The following CNTNAP2 variants were observed in gnomAD, a reference collection of about 807,000 sequenced individuals.
CNTNAP2 encodes the protein contactin-associated protein-like 2.
A neutral mutation model predicts 155.2 loss-of-function variants in CNTNAP2; 98 were observed. That is an observed-to-expected ratio of 0.63 (90% CI 0.54 to 0.75). The LOEUF is 0.75. Ranked by LOEUF, CNTNAP2 falls within the 30% of genes least tolerant of loss-of-function variation. The probability of loss-of-function intolerance (pLI) is 0.00; values close to 1 mark genes in which losing one functional copy is unlikely to be tolerated. For missense variants in CNTNAP2, 1,727 were observed against 1,688.1 expected (o/e 1.02, Z -0.40); for synonymous variants, 651 against 631.2 (o/e 1.03, Z -0.47).
At chr7:148,168,247 A>G (rs1314285339) in intron 17 of CNTNAP2, among the ~76,000 whole-genome samples, 3 of 151,936 alleles carry the variant, frequency 2.0e-5, no homozygotes, top group African/African-American at 7.3e-5. Flanking sequence ...ATGCTGCTAT[A>G]AAGACACATG....
chr7:148,134,539 TA>T (rs1251525254), intron 16 of CNTNAP2, among the ~76,000 whole-genome samples: 4 of 152,138 alleles, frequency 2.6e-5, no homozygotes, highest in Non-Finnish European at 5.9e-5. Context: ...CTCTGTTTTT[TA>T]AAAAAATCTT....
intron 12 of CNTNAP2, among the ~76,000 whole-genome samples, chr7:147,626,116 T>G (rs10276658): frequency 6.6e-6 from 1 of 151,858 alleles, no homozygotes; most frequent in Admixed American, 6.6e-5. Flanking sequence ...AAGGAAACTC[T>G]GAACTGAAAT....
In CNTNAP2 at chr7:147,322,579, G is replaced by A. The variant is rs977787695; in HGVS notation, c.1498+22289G>A. ...TGCCCGGCTTTGGTATCAGAATGAT[G>A]CTGGCCTCATAAAATGAGTTAGGGA... is the stretch of plus-strand genomic sequence containing the variant. On this transcript the variant is annotated intron_variant, in intron 9 of 23. Coordinates refer to ENST00000361727, the MANE Select transcript of CNTNAP2 (RefSeq NM_014141.6). 2.6e-4 allele frequency among the ~76,000 whole-genome samples: 39 copies of A among 150,088 alleles called. No homozygotes were observed. The Middle Eastern group carries it at 0.01, about 39-fold the overall frequency.
chr7:148,198,792 A>G (rs965019296), intron 18 of CNTNAP2, among the ~76,000 whole-genome samples: 79 of 152,360 alleles, frequency 5.2e-4, no homozygotes, highest in African/African-American at 1.8e-3. Flanking sequence ...CAACTGAGAG[A>G]AAACATATTT....
intron 1 of CNTNAP2, among the ~76,000 whole-genome samples, chr7:146,421,136 G>C (rs2129113774): frequency 6.6e-6 from 1 of 152,074 alleles, no homozygotes; most frequent in South Asian, 2.1e-4. Context: ...TAGAAATACT[G>C]TAAGATTTGT....
At chr7:148,263,513 C>T (rs991351873) in intron 20 of CNTNAP2, among the ~76,000 whole-genome samples, 3 of 151,992 alleles carry the variant, frequency 2.0e-5, no homozygotes, top group East Asian at 1.9e-4. Flanking sequence ...CCGAGGTGGG[C>T]GGAACACAAG....
intron 8 of CNTNAP2, among the ~76,000 whole-genome samples, chr7:147,197,918 AC>A (rs1332763909): frequency 6.6e-6 from 1 of 152,184 alleles, no homozygotes; most frequent in Non-Finnish European, 1.5e-5. Flanking sequence ...ATATTTGAAG[AC>A]TTTTGCAGAA....
At chr7:146,929,376 G>A (rs1796693618) in intron 3 of CNTNAP2, among the ~76,000 whole-genome samples, 1 of 152,184 alleles carries the variant, frequency 6.6e-6, no homozygotes, top group Non-Finnish European at 1.5e-5. Context: ...GCAGCTGAGG[G>A]TCCTGTCTGT....
intron 1 of CNTNAP2, among the ~76,000 whole-genome samples, chr7:146,162,108 G>A (rs1798232685): frequency 6.6e-6 from 1 of 152,046 alleles, no homozygotes; most frequent in Non-Finnish European, 1.5e-5. Context: ...ATGGGCAAGG[G>A]CTTCATGACT....
At chr7:146,185,171 A>G (rs576105480) in intron 1 of CNTNAP2, among the ~76,000 whole-genome samples, 1 of 152,294 alleles carries the variant, frequency 6.6e-6, no homozygotes, top group Non-Finnish European at 1.5e-5. Flanking sequence ...ACACATTTGT[A>G]TTAAAATATG....
chr7:146,892,938 T>C (rs1252519241), intron 3 of CNTNAP2, among the ~76,000 whole-genome samples: 1 of 152,180 alleles, frequency 6.6e-6, no homozygotes, highest in Non-Finnish European at 1.5e-5. Context: ...TAAATCTCTA[T>C]ATGCAGAGAC....
At chr7:148,405,603 ATTTTTTTTTTTTTTTTTTTTTT>A (rs535094195) in intron 22 of CNTNAP2, among the ~76,000 whole-genome samples, 1 of 36,794 alleles carries the variant, frequency 2.7e-5, no homozygotes, top group African/African-American at 1.3e-4. Flanking sequence ...TGCACAGCTA[ATTTTTTTTTTTTTTTTTTTTTT>A]TTTTTTTTTT....
At chr7:146,465,811 T>TTTTA (rs1172837389) in intron 1 of CNTNAP2, among the ~76,000 whole-genome samples, 2 of 152,200 alleles carry the variant, frequency 1.3e-5, no homozygotes, top group Admixed American at 6.5e-5. Context: ...GTTGTTGTTT[T>TTTTA]TTTATATGAT....
Position 147,536,799 on chromosome 7 carries a change from C to T in CNTNAP2, c.1778-25339C>T, listed in dbSNP as rs181473836. On this transcript the variant is annotated intron_variant, in intron 11 of 23. Coordinates refer to ENST00000361727, the MANE Select transcript of CNTNAP2 (RefSeq NM_014141.6). ...TGCAATCACTTTCTTTTTCAAGACC[C>T]GCAACTGCTCATACTGCCTGATGCT... Among the ~76,000 whole-genome samples the T allele has an allele frequency of 8.1e-4, 124 of 152,182 alleles. 1 individual carries two copies. Among genetic ancestry groups the T allele is most frequent in the Admixed American group, 7.3e-3 (112 of 15,270 alleles).
intron 9 of CNTNAP2, among the ~76,000 whole-genome samples, chr7:147,368,735 T>A (rs1469353492): frequency 6.6e-6 from 1 of 152,212 alleles, no homozygotes; most frequent in Non-Finnish European, 1.5e-5. Flanking sequence ...ATCTCGCAGT[T>A]GCTTTTGCCA....
intron 3 of CNTNAP2, among the ~76,000 whole-genome samples, chr7:147,028,156 A>T (rs770913527): frequency 2.6e-5 from 4 of 152,216 alleles, no homozygotes; most frequent in Non-Finnish European, 4.4e-5. Context: ...AGAAGGCATT[A>T]CAAGAATACC....
At chr7:147,338,084 A>T (rs899557852) in intron 9 of CNTNAP2, among the ~76,000 whole-genome samples, 13 of 152,162 alleles carry the variant, frequency 8.5e-5, no homozygotes, top group African/African-American at 3.1e-4. Flanking sequence ...TGGGTAATTT[A>T]TAAAGAAAAG....
At chr7:147,546,993 T>G (rs891062685) in intron 11 of CNTNAP2, among the ~76,000 whole-genome samples, 3 of 152,126 alleles carry the variant, frequency 2.0e-5, no homozygotes, top group African/African-American at 7.2e-5. Flanking sequence ...TATCTGTGAT[T>G]AGCTAATCAA....
At chr7:146,811,322 T>C (rs548351107) in intron 2 of CNTNAP2, among the ~76,000 whole-genome samples, 1 of 152,200 alleles carries the variant, frequency 6.6e-6, no homozygotes, top group African/African-American at 2.4e-5. Flanking sequence ...CTTTACTTGT[T>C]ATTGATCTCA....
Sources: allele counts gnomAD v4.1 joint callset (sites outside exome capture counted in the v4.1 genomes callset), GRCh38; gene constraint gnomAD v4.1.1; transcripts MANE v1.5; gene names NCBI Gene and HGNC (gene_info 2026-07-23, HGNC 2026-07-21).